CTC1: variants seen among roughly 807,000 people sequenced by gnomAD.
CTC1 encodes CST telomere replication complex component 1.
CTC1 carries 91 observed loss-of-function variants against 136.3 expected under a neutral mutation model. That is an observed-to-expected ratio of 0.67 (90% CI 0.56 to 0.79). The LOEUF (loss-of-function observed/expected upper bound fraction) is 0.79. Among genes scored for constraint, CTC1 ranks in the 30% least tolerant of loss-of-function variants. The probability of loss-of-function intolerance (pLI) is 0.00; values close to 1 mark genes in which losing one functional copy is unlikely to be tolerated. For missense variants in CTC1, 1,432 were observed against 1,498.1 expected (o/e 0.96, Z 0.73); for synonymous variants, 606 against 613.8 (o/e 0.99, Z 0.19).
At chr17:8,243,177 C>T in intron 1 of CTC1, 29 bp from the exon 2 acceptor site, 2 of 1,598,208 alleles carry the variant, frequency 1.3e-6, no homozygotes, top group Middle Eastern at 1.7e-4. Flanking sequence ...GTTAAAACAT[C>T]TTGACTATCC....
chr17:8,227,063 C>A lies in CTC1; in HGVS notation c.*1117G>T, dbSNP rs974582473. On this transcript the variant is annotated 3_prime_UTR_variant, in exon 23 of 23. Transcript: ENST00000651323. ...CGCTCTAACCAACTGAGCTAACCGG[C>A]CACTAACTTTCCGGGTCTACTTCAA... 2.0e-5 allele frequency: 3 copies of A among 151,014 alleles called. No individual in the cohort carries two copies. Among genetic ancestry groups the A allele is most frequent in the Non-Finnish European group, 2.9e-5 (2 of 68,034 alleles). 9.4% of individuals were successfully genotyped at this position (151,014 alleles called of 1,614,324 possible). A position where few individuals can be genotyped will look rare whatever the true frequency, so the allele number is the denominator to read the frequency against.
Position 8,226,603 on chromosome 17 carries a change from A to T in CTC1, c.*1577T>A, listed in dbSNP as rs1036679557. 4 of 151,818 alleles carry T rather than the reference A, an allele frequency of 2.6e-5. No homozygotes were observed. The highest frequency in any genetic ancestry group is 9.7e-5 in the African/African-American group (4 of 41,090). 9.4% of individuals were successfully genotyped at this position (151,818 alleles called of 1,614,324 possible). ...ATATGGTCAGTATGCTGAAGAAAAA[A>T]ATATGACGTAGTCGGCAGGATTCGA... On this transcript the variant is annotated 3_prime_UTR_variant, in exon 23 of 23. Coordinates refer to ENST00000651323, the MANE Select transcript of CTC1 (RefSeq NM_025099.6).
Position 8,230,626 on chromosome 17 carries a change from A to T in CTC1, c.2695T>A (p.Ser899Thr), listed in dbSNP as rs1378331155. 1 of 1,614,086 alleles carries T rather than the reference A, an allele frequency of 6.2e-7. No individual in the cohort carries two copies. The highest frequency in any genetic ancestry group is 8.5e-7 in the Non-Finnish European group (1 of 1,180,018). Residue 899 changes from serine to threonine, a missense_variant, in exon 16 of 23, where the codon TCC becomes ACC. By Grantham distance (58) the Ser-to-Thr change is moderately conservative. Coordinates refer to ENST00000651323, the MANE Select transcript of CTC1 (RefSeq NM_025099.6). Reference sequence around the variant, plus strand: ...AGTGTCCGTGACAAAATCTCAGCGGAGAAAGACACCAAGGAATCTGTGAAA... The same window carrying T: ...AGTGTCCGTGACAAAATCTCAGCGGTGAAAGACACCAAGGAATCTGTGAAA... ...DNFTDSLVSFSAEILSRTLCE... is the reference protein window; with the variant it reads ...DNFTDSLVSFTAEILSRTLCE...
chr17:8,227,549 A>C lies in CTC1; in HGVS notation c.*631T>G, dbSNP rs3027247. 41,036 of 152,166 alleles carry C rather than the reference A, an allele frequency of 0.27. 5,942 individuals are homozygous for C. The highest frequency in any genetic ancestry group is 0.41 in the Admixed American group (6,330 of 15,272). The allele number at this position is 152,166 out of a possible 1,614,324, so 9.4% of individuals were successfully genotyped here. On this transcript the variant is annotated 3_prime_UTR_variant, in exon 23 of 23. Transcript: ENST00000651323. ...CTTGTGAACACCTCTAGGCATTCAT[A>C]TTTGACTTCCTGCAGGGCCCAGCCT...
chr17:8,242,397 T>C (rs923674277), intron 2 of CTC1, among the ~76,000 whole-genome samples: 1 of 151,922 alleles, frequency 6.6e-6, no homozygotes, highest in African/African-American at 2.4e-5. Flanking sequence ...TAGCCTCTAA[T>C]ATGTTAATAA....
Position 8,228,157 on chromosome 17 carries a change from C to T in CTC1, c.*23G>A, listed in dbSNP as rs1283095456. 1 of 1,609,264 alleles carries T rather than the reference C, an allele frequency of 6.2e-7. No individual in the cohort carries two copies. The highest frequency in any genetic ancestry group is 8.5e-7 in the Non-Finnish European group (1 of 1,176,028). ...TTCAGGTTTTCAGCAAGGAAGGACT[C>T]TCAGGCCATCCTTGCAGTTCAGTTA... On this transcript the variant is annotated 3_prime_UTR_variant, in exon 23 of 23. Coordinates refer to ENST00000651323, the MANE Select transcript of CTC1 (RefSeq NM_025099.6).
In CTC1 at chr17:8,225,295, T is replaced by G. The variant is rs1227175066; in HGVS notation, c.*2885A>C. 1 of 152,302 alleles carries G rather than the reference T, an allele frequency of 6.6e-6. No individual in the cohort carries two copies. The highest frequency in any genetic ancestry group is 2.4e-5 in the African/African-American group (1 of 41,468). The allele number at this position is 152,302 out of a possible 1,614,324, so 9.4% of individuals were successfully genotyped here. A position where few individuals can be genotyped will look rare whatever the true frequency, so the allele number is the denominator to read the frequency against. ...GGAACGTGCCTTGTTCATTTGGTTC[T>G]GCACAGGGTCCAGCCCAGTGCTTGG... On this transcript the variant is annotated 3_prime_UTR_variant, in exon 23 of 23. Coordinates refer to ENST00000651323, the MANE Select transcript of CTC1 (RefSeq NM_025099.6).
chr17:8,229,703 T>C lies in CTC1; in HGVS notation c.3011+188A>G, dbSNP rs1671501424. Among the ~76,000 whole-genome samples the C allele has an allele frequency of 2.0e-5, 3 of 152,222 alleles. No homozygotes were observed. In the South Asian group the frequency reaches 6.2e-4, roughly 32 times the overall value. On this transcript the variant is annotated intron_variant, in intron 18 of 22. Transcript: ENST00000651323. ...AAAAGCCTTCAAAAGCCTAGAACAC[T>C]AAATGATTCTGGGTACAATGATAGA... is the stretch of plus-strand genomic sequence containing the variant.
At chr17:8,229,798 A>G in intron 18 of CTC1, 93 bp downstream of exon 18, 1 of 1,041,618 alleles carries the variant, frequency 9.6e-7, no homozygotes, top group South Asian at 1.3e-5. Flanking sequence ...ATTGGAGAAG[A>G]CTGTAATGAT....
intron 2 of CTC1, among the ~76,000 whole-genome samples, chr17:8,239,089 CAAAAA>C (rs778191636): frequency 1.4e-4 from 7 of 48,780 alleles, no homozygotes; most frequent in African/African-American, 4.0e-4. Context: ...GAGACTGTCT[CAAAAA>C]AAAAAAAAAA....
Position 8,226,063 on chromosome 17 carries a change from AAGTT to A in CTC1, c.*2113_*2116del, listed in dbSNP as rs1466025099. ...AGGCCTATGCAACATTTCTGCCCCTAAGTTAGAGAACCACCTTTTAGAGTGGCGA... is the reference window on the plus strand; with the variant it reads ...AGGCCTATGCAACATTTCTGCCCCTAAGAGAACCACCTTTTAGAGTGGCGA... On this transcript the variant is annotated 3_prime_UTR_variant, in exon 23 of 23. Coordinates refer to ENST00000651323, the MANE Select transcript of CTC1 (RefSeq NM_025099.6). 6.6e-6 allele frequency: 1 copy of A among 152,140 alleles called. No homozygotes were observed. The highest frequency in any genetic ancestry group is 2.4e-5 in the African/African-American group (1 of 41,414). The allele number at this position is 152,140 out of a possible 1,614,324, so 9.4% of individuals were successfully genotyped here. A position where few individuals can be genotyped will look rare whatever the true frequency, so the allele number is the denominator to read the frequency against.
chr17:8,228,891 G>A lies in CTC1; in HGVS notation c.3223C>T (p.Leu1075Phe), dbSNP rs1014401373. The change falls in exon 21 of 23, where the codon CTC becomes TTC. Residue 1075 changes from leucine to phenylalanine, a missense_variant and splice_region_variant. Physicochemically the swap from Leu to Phe is conservative, Grantham distance 22 (BLOSUM62 0). Transcript: ENST00000651323. ...TCGGCAGTCCCATCCTCCACCAGGA[G>A]CCTATGGGGAGCAGGAGGAAATAAA... ...QTAISQAIIR[L>F]LVEDGTAEAV... The A allele has an allele frequency of 4.3e-6, 7 of 1,609,964 alleles. No homozygotes were observed. The African/African-American group carries it at 8.0e-5, about 18-fold the overall frequency.
chr17:8,240,651 G>A (rs1254775526), intron 2 of CTC1, among the ~76,000 whole-genome samples: 6 of 151,638 alleles, frequency 4.0e-5, no homozygotes, highest in African/African-American at 1.2e-4. Context: ...AGGCCGAGGC[G>A]GGAGGATCAC....
In CTC1 at chr17:8,229,398, C is replaced by T; in HGVS notation, c.3060G>A (p.Gln1020=). ...IYLAELLQGG[Q]SPFQATASCH... Reference sequence around the variant, plus strand: ...AAGAGGCAGTGGCCTGGAATGGGGACTGACCACCCTGCAGAAGTTCAGCCA... The same window carrying T: ...AAGAGGCAGTGGCCTGGAATGGGGATTGACCACCCTGCAGAAGTTCAGCCA... The change falls in exon 19 of 23, where the codon CAG becomes CAA. Residue 1020 remains glutamine, a synonymous_variant. Transcript: ENST00000651323. The T allele has an allele frequency of 6.2e-7, 1 of 1,614,062 alleles. No homozygotes were observed. The highest frequency in any genetic ancestry group is 1.6e-4 in the Middle Eastern group (1 of 6,062).
At chr17:8,230,194 T>G (rs1249906308) in intron 17 of CTC1, 100 bp downstream of exon 17, 3 of 1,253,970 alleles carry the variant, frequency 2.4e-6, no homozygotes, top group Admixed American at 2.3e-5. Flanking sequence ...GAAACCTGTA[T>G]GAAAGAGAAG....
At position 8,227,649 on chromosome 17, in the gene CTC1, T is replaced by C. The variant is rs1023466760; in HGVS notation, c.*531A>G. 6.5e-6 allele frequency: 1 copy of C among 154,558 alleles called. No individual in the cohort carries two copies. The highest frequency in any genetic ancestry group is 2.4e-5 in the African/African-American group (1 of 41,440). The allele number at this position is 154,558 out of a possible 1,614,324, so 9.6% of individuals were successfully genotyped here. ...CCAATTTACTTCCTTTACAGACTGA[T>C]TTTGGTACCATTTCTTCTGCTGGAC... On this transcript the variant is annotated 3_prime_UTR_variant, in exon 23 of 23. Coordinates refer to ENST00000651323, the MANE Select transcript of CTC1 (RefSeq NM_025099.6).
rs926565387 is a variant in CTC1 at position 8,234,552 on chromosome 17, G to A, written c.1721C>T (p.Pro574Leu). ...GGGCAGGTAGGAGGCCTCCGGGAGG[G>A]GCAGAAGGGCCTTAGGGTCAAAGGA... ...WASFDPKALL[P>L]LPEASYLPSC... The change falls in exon 10 of 23, where the codon CCC becomes CTC. Residue 574 changes from proline to leucine, a missense_variant. Pro to Leu is a moderately conservative substitution (Grantham distance 98). Transcript: ENST00000651323. 1.9e-6 allele frequency: 3 copies of A among 1,583,924 alleles called. No individual in the cohort carries two copies. The highest frequency in any genetic ancestry group is 1.1e-5 in the South Asian group (1 of 87,264).
chr17:8,235,186 G>C lies in CTC1; in HGVS notation c.1306C>G (p.Arg436Gly). ...RGAVLLQSFS[R>G]QKPGAHSSRQ... is the part of the protein sequence containing the mutation. ...GATGAGTGAGCCCCAGGCTTCTGACGAGAGAAGCTTTGAAGCAGAACGGCG... is the reference window on the plus strand; with the variant it reads ...GATGAGTGAGCCCCAGGCTTCTGACCAGAGAAGCTTTGAAGCAGAACGGCG... The change falls in exon 8 of 23, where the codon CGT (arginine) becomes GGT (glycine). Residue 436 changes from arginine (R) to glycine (G), a missense_variant. By Grantham distance (125) the Arg-to-Gly change is moderately radical. Coordinates refer to ENST00000651323, the MANE Select transcript of CTC1 (RefSeq NM_025099.6). 2.5e-6 allele frequency: 4 copies of C among 1,614,142 alleles called. No individual in the cohort carries two copies. The highest frequency in any genetic ancestry group is 2.2e-5 in the East Asian group (1 of 44,886).
In CTC1 at chr17:8,227,019, C is replaced by G. The variant is rs578156280; in HGVS notation, c.*1161G>C. 4 of 152,244 alleles carry G rather than the reference C, an allele frequency of 2.6e-5. No homozygotes were observed. Among genetic ancestry groups the G allele is most frequent in the African/African-American group, 9.7e-5 (4 of 41,076 alleles). The allele number at this position is 152,244 out of a possible 1,614,324, so 9.4% of individuals were successfully genotyped here. On this transcript the variant is annotated 3_prime_UTR_variant, in exon 23 of 23. Transcript: ENST00000651323. ...CCCGTACGGGGTTCGAACCCGCGAC[C>G]TTGGCGTTATTAGCACCACGCTCTA...
Sources: allele counts gnomAD v4.1 joint callset (sites outside exome capture counted in the v4.1 genomes callset), GRCh38; gene constraint gnomAD v4.1.1; transcripts MANE v1.5; gene names NCBI Gene and HGNC (gene_info 2026-07-23, HGNC 2026-07-21).